The following HERC3 variants were observed in gnomAD, a reference collection of about 807,000 sequenced individuals.
HERC3 encodes the protein probable E3 ubiquitin-protein ligase HERC3.
HERC3 carries 58 observed loss-of-function variants against 129.9 expected under a neutral mutation model. The ratio of observed to expected loss-of-function variants is 0.45; its 90% CI spans 0.36 to 0.56. The LOEUF is 0.56. Ranked by LOEUF, HERC3 falls within the 20% of genes least tolerant of loss-of-function variation. The pLI is 0.00. For synonymous variants in HERC3, 430 were observed against 451.0 expected (o/e 0.95, Z 0.59); for missense variants, 835 against 1,244.2 (o/e 0.67, Z 4.95).
At chr4:88,567,658 T>C in the HERC3 span, among the ~76,000 whole-genome samples, 16 of 152,324 alleles carry the variant, frequency 1.1e-4, 1 homozygote, top group South Asian at 3.3e-3. Context: ...TTCAATCTCT[T>C]TGTTAAATTT....
In HERC3 at chr4:88,689,127, T is replaced by C. The variant is rs368849429; in HGVS notation, c.2657+1828T>C. 2.9e-4 allele frequency among the ~76,000 whole-genome samples: 44 copies of C among 152,266 alleles called. No homozygotes were observed. The South Asian group carries it at 5.2e-3, about 18-fold the overall frequency. On this transcript the variant is annotated intron_variant, in intron 23 of 25. Transcript: ENST00000402738. ...TTTATTGGCTTCTTCCTCTAAATAG[T>C]TGGGAAGATGCAATTGGAGATCCTA...
chr4:88,611,433 C>T (rs1470273615), intron 3 of HERC3, among the ~76,000 whole-genome samples: 1 of 152,134 alleles, frequency 6.6e-6, no homozygotes, highest in African/African-American at 2.4e-5. Context: ...AATGCTACCC[C>T]CAAGTAGCTT....
At chr4:88,598,239 TATC>T (rs1234913567) in intron 2 of HERC3, among the ~76,000 whole-genome samples, 8 of 152,174 alleles carry the variant, frequency 5.3e-5, no homozygotes, top group African/African-American at 1.9e-4. Flanking sequence ...CGCATAGTCT[TATC>T]ATAAGACAAA....
intron 23 of HERC3, chr4:88,690,038 G>A: frequency 2.0e-6 from 2 of 985,234 alleles, no homozygotes; most frequent in Non-Finnish European, 2.4e-6. Flanking sequence ...TGATGCAGAA[G>A]CCACCCAGAC....
the HERC3 span, among the ~76,000 whole-genome samples, chr4:88,548,962 A>G: frequency 4.6e-5 from 7 of 152,072 alleles, no homozygotes; most frequent in Non-Finnish European, 8.8e-5. Flanking sequence ...CGCCCGGCCC[A>G]TCTTTTCACT....
chr4:88,611,105 A>G (rs561761475), intron 3 of HERC3, among the ~76,000 whole-genome samples: 1 of 152,254 alleles, frequency 6.6e-6, no homozygotes, highest in African/African-American at 2.4e-5. Context: ...GTAAATTACA[A>G]GAGATTCCAG....
intron 3 of HERC3, among the ~76,000 whole-genome samples, chr4:88,636,610 A>T (rs2930803): frequency 1.3e-5 from 2 of 152,162 alleles, no homozygotes; most frequent in South Asian, 4.1e-4. Context: ...AAGGATATTC[A>T]GGACTTGAAC....
the HERC3 span, among the ~76,000 whole-genome samples, chr4:88,560,828 C>G: frequency 6.6e-6 from 1 of 152,224 alleles, no homozygotes; most frequent in Non-Finnish European, 1.5e-5. Flanking sequence ...CTAGCATCAT[C>G]TACTGAAGAG....
chr4:88,653,682 G>A (rs533042912), intron 6 of HERC3, among the ~76,000 whole-genome samples: 2 of 152,320 alleles, frequency 1.3e-5, no homozygotes, highest in Admixed American at 1.3e-4. Context: ...GGTTGTGGGA[G>A]TAAAGTCAGA....
At position 88,680,130 on chromosome 4, in the gene HERC3, G is replaced by A; in HGVS notation, c.2234G>A (p.Gly745Asp). Residue 745 changes from glycine (G) to aspartate (D), a missense_variant, in exon 20 of 26, where the codon GGT (glycine) becomes GAT (aspartate). Coordinates refer to ENST00000402738, the MANE Select transcript of HERC3 (RefSeq NM_014606.3). ...FDGEEAVDAG[G>D]VTKEFFLLLL... ...GGTGAAGAAGCAGTGGATGCCGGTG[G>A]TGTTACAAAGGAATTTTTTCTTTTG... 1.9e-6 allele frequency: 3 copies of A among 1,613,252 alleles called. No individual in the cohort carries two copies. Among genetic ancestry groups the A allele is most frequent in the Non-Finnish European group, 2.5e-6 (3 of 1,179,582 alleles).
rs182398294 is a variant in HERC3 at position 88,708,228 on chromosome 4, G to A, written c.*1268G>A. ...CATGCTCAACCTTCCTCATCATGGA[G>A]TAAGAAAATTCTACATGATTAAAGA... On this transcript the variant is annotated 3_prime_UTR_variant, in exon 26 of 26. Coordinates refer to ENST00000402738, the MANE Select transcript of HERC3 (RefSeq NM_014606.3). 1.7e-3 allele frequency: 257 copies of A among 152,598 alleles called. No individual in the cohort carries two copies. Among genetic ancestry groups the A allele is most frequent in the African/African-American group, 5.9e-3 (243 of 41,514 alleles). 9.5% of individuals were successfully genotyped at this position (152,598 alleles called of 1,614,324 possible). A position where few individuals can be genotyped will look rare whatever the true frequency, so the allele number is the denominator to read the frequency against.
At chr4:88,589,812 C>A (rs2149158298), upstream of HERC3, among the ~76,000 whole-genome samples, 1 of 152,246 alleles carries the variant, frequency 6.6e-6, no homozygotes, top group East Asian at 1.9e-4. Context: ...GGTATCTTTA[C>A]TGTTCTATGT....
At chr4:88,647,964 C>T (rs1190545814) in intron 3 of HERC3, among the ~76,000 whole-genome samples, 2 of 152,122 alleles carry the variant, frequency 1.3e-5, no homozygotes, top group South Asian at 4.1e-4. Context: ...TCCTCTTCCT[C>T]ACCACCAGAC....
In HERC3 at chr4:88,667,999, G is replaced by A; in HGVS notation, c.1551G>A (p.Gln517=). ...TACTACCTGAGTTTCCCCTACTCCA[G>A]GATTCCAAGTATTATATAACATTGA... is the stretch of plus-strand genomic sequence containing the variant. ...YLILPEFPLL[Q]DSKYYITLTI... is the part of the protein sequence containing the mutation. The change falls in exon 14 of 26, where the codon CAG becomes CAA. Residue 517 remains glutamine (Q), a synonymous_variant. Coordinates refer to ENST00000402738, the MANE Select transcript of HERC3 (RefSeq NM_014606.3). The A allele has an allele frequency of 1.2e-6, 2 of 1,613,354 alleles. No homozygotes were observed. Among genetic ancestry groups the A allele is most frequent in the Non-Finnish European group, 1.7e-6 (2 of 1,179,378 alleles).
chr4:88,535,633 G>A, the HERC3 span, among the ~76,000 whole-genome samples: 1 of 152,140 alleles, frequency 6.6e-6, no homozygotes, highest in African/African-American at 2.4e-5. Context: ...CCAATCACAT[G>A]ATGAAGGGCA....
At chr4:88,637,240 A>G (rs1727518986) in intron 3 of HERC3, among the ~76,000 whole-genome samples, 1 of 152,022 alleles carries the variant, frequency 6.6e-6, no homozygotes. Context: ...CCTGGCTAAC[A>G]TGACGAAACC....
At chr4:88,590,884 TTTC>T (rs2149159406), upstream of HERC3, among the ~76,000 whole-genome samples, 1 of 144,860 alleles carries the variant, frequency 6.9e-6, no homozygotes, top group Non-Finnish European at 1.5e-5. Flanking sequence ...TTCCTTTTTC[TTTC>T]TTTTTTTTTT....
At chr4:88,692,740 C>T (rs932975213) in intron 23 of HERC3, among the ~76,000 whole-genome samples, 3 of 152,278 alleles carry the variant, frequency 2.0e-5, no homozygotes, top group Non-Finnish European at 4.4e-5. Flanking sequence ...AGGCATAAGT[C>T]TCTTGTTCAA....
chr4:88,696,899 G>A (rs909337704), intron 23 of HERC3: 6 of 304,494 alleles, frequency 2.0e-5, no homozygotes, highest in Non-Finnish European at 3.6e-5. Context: ...TCTTTACTTC[G>A]CATCTGCTAA....
Sources: gnomAD v4.1 joint callset for allele counts (sites outside exome capture counted in the v4.1 genomes callset) on GRCh38, gnomAD v4.1.1 for gene constraint, MANE v1.5 for transcripts, NCBI Gene and HGNC (gene_info 2026-07-23, HGNC 2026-07-21) for gene names.